CCDC171: variants seen among roughly 807,000 people sequenced by gnomAD.
CCDC171 encodes the protein coiled-coil domain containing 171, also known as coiled-coil domain-containing protein 171.
Under a neutral mutation model 168.2 loss-of-function variants are expected in CCDC171, and 177 were observed. The ratio of observed to expected loss-of-function variants is 1.05; its 90% CI spans 0.93 to 1.19. The LOEUF (loss-of-function observed/expected upper bound fraction) is 1.19, where lower values mean the gene tolerates loss of function less well. Ranked by LOEUF, CCDC171 falls within the 50% of genes most tolerant of loss-of-function variation. The probability of loss-of-function intolerance (pLI) is 0.00; values close to 1 mark genes in which losing one functional copy is unlikely to be tolerated. For synonymous variants in CCDC171, 687 were observed against 540.8 expected (o/e 1.27, Z -3.75); for missense variants, 1,991 against 1,539.0 (o/e 1.29, Z -4.91).
intron 25 of CCDC171, among the ~76,000 whole-genome samples, chr9:15,965,485 G>C (rs2132704408): frequency 6.6e-6 from 1 of 152,338 alleles, no homozygotes; most frequent in East Asian, 1.9e-4. Context: ...TGTGCAACCT[G>C]TGGCAATTTA....
At position 15,930,508 on chromosome 9, in the gene CCDC171, T is replaced by A. The variant is rs549304190; in HGVS notation, c.3753+10086T>A. Reference sequence around the variant, plus strand: ...ATATTTTGGCACCCCTACCTCTGGGTGTTTATGTAGAGGTGGACATACATA... The same window carrying A: ...ATATTTTGGCACCCCTACCTCTGGGAGTTTATGTAGAGGTGGACATACATA... On this transcript the variant is annotated intron_variant, in intron 25 of 25. Coordinates refer to ENST00000380701, the MANE Select transcript of CCDC171 (RefSeq NM_173550.4). 1.8e-3 allele frequency among the ~76,000 whole-genome samples: 271 copies of A among 151,788 alleles called. 2 individuals carry two copies. Among genetic ancestry groups the A allele is most frequent in the African/African-American group, 6.3e-3 (260 of 41,514 alleles).
intron 21 of CCDC171, among the ~76,000 whole-genome samples, chr9:15,830,549 G>C (rs2060188316): frequency 6.6e-6 from 1 of 152,148 alleles, no homozygotes; most frequent in African/African-American, 2.4e-5. Flanking sequence ...AGGAAGTTCA[G>C]ACATTGAGAA....
intron 9 of CCDC171, among the ~76,000 whole-genome samples, chr9:15,675,000 T>C (rs907822408): frequency 2.0e-5 from 3 of 152,074 alleles, no homozygotes; most frequent in Non-Finnish European, 4.4e-5. Context: ...AGTCTAAGTC[T>C]CTTTGTAGGT....
intron 21 of CCDC171, among the ~76,000 whole-genome samples, chr9:15,801,416 T>G (rs190948336): frequency 7.7e-4 from 117 of 152,172 alleles, no homozygotes; most frequent in African/African-American, 2.6e-3. Flanking sequence ...TATTTCAGAT[T>G]GTTTACTTTA....
intron 8 of CCDC171, among the ~76,000 whole-genome samples, chr9:15,657,720 C>T (rs1341738127): frequency 1.3e-5 from 2 of 152,076 alleles, no homozygotes; most frequent in African/African-American, 2.4e-5. Context: ...ATATATCTAT[C>T]TCCAGATATA....
At chr9:15,844,278 G>C (rs1404676076) in intron 21 of CCDC171, among the ~76,000 whole-genome samples, 1 of 151,608 alleles carries the variant, frequency 6.6e-6, no homozygotes, top group Non-Finnish European at 1.5e-5. Flanking sequence ...AATTATATGT[G>C]ATATATGGAT....
intron 7 of CCDC171, among the ~76,000 whole-genome samples, chr9:15,628,078 C>T (rs1422858184): frequency 6.6e-6 from 1 of 152,150 alleles, no homozygotes; most frequent in Non-Finnish European, 1.5e-5. Context: ...CAGCTGCTGT[C>T]TACAGCTCCC....
chr9:15,659,226 A>T (rs1587794136), intron 8 of CCDC171, among the ~76,000 whole-genome samples: 1 of 152,184 alleles, frequency 6.6e-6, no homozygotes, highest in South Asian at 2.1e-4. Context: ...CTCTCAAGCA[A>T]CTGCCGGTAG....
the CCDC171 span, among the ~76,000 whole-genome samples, chr9:16,071,925 C>T: frequency 1.3e-5 from 2 of 152,070 alleles, no homozygotes; most frequent in African/African-American, 2.4e-5. Context: ...TCCCTGTTTC[C>T]CCTCACAGCT....
chr9:15,610,354 C>A (rs2043561744), intron 6 of CCDC171, among the ~76,000 whole-genome samples: 1 of 147,580 alleles, frequency 6.8e-6, no homozygotes, highest in South Asian at 2.1e-4. Context: ...TGCCTGTAAT[C>A]CCAGCACTTT....
In CCDC171 at chr9:15,973,597, C is replaced by G. The variant is rs1294733472; in HGVS notation, c.*1761C>G. 1 of 151,958 alleles carries G rather than the reference C, an allele frequency of 6.6e-6. No homozygotes were observed. Among genetic ancestry groups the G allele is most frequent in the Non-Finnish European group, 1.5e-5 (1 of 67,988 alleles). The allele number at this position is 151,958 out of a possible 1,614,324, so 9.4% of individuals were successfully genotyped here. Reference sequence around the variant, plus strand: ...TAACCAAATTTCTCTTAATTCTTTCCTTGGAATTATTTTTAATATGACCTG... The same window carrying G: ...TAACCAAATTTCTCTTAATTCTTTCGTTGGAATTATTTTTAATATGACCTG... On this transcript the variant is annotated 3_prime_UTR_variant, in exon 26 of 26. Transcript: ENST00000380701.
At position 15,728,236 on chromosome 9, in the gene CCDC171, T is replaced by C. The variant is rs562237384; in HGVS notation, c.1860+200T>C. Among the ~76,000 whole-genome samples, 4 of 152,258 alleles carry C rather than the reference T, an allele frequency of 2.6e-5. No homozygotes were observed. The South Asian group carries it at 6.2e-4, about 24-fold the overall frequency. On this transcript the variant is annotated intron_variant, in intron 15 of 25. Transcript: ENST00000380701. Reference sequence around the variant, plus strand: ...CATGTAAATGTGACTGAAGTCTGTATGAAGTCTCTAAGCTCCACTTTCTGT... The same window carrying C: ...CATGTAAATGTGACTGAAGTCTGTACGAAGTCTCTAAGCTCCACTTTCTGT...
chr9:15,583,395 C>T (rs890695182), intron 4 of CCDC171, among the ~76,000 whole-genome samples: 55 of 132,524 alleles, frequency 4.2e-4, no homozygotes, highest in Admixed American at 4.5e-4. Context: ...CTGGTGACAG[C>T]GAGACTCCAT....
At chr9:15,662,773 C>T (rs1043105238) in intron 8 of CCDC171, among the ~76,000 whole-genome samples, 7 of 151,788 alleles carry the variant, frequency 4.6e-5, no homozygotes, top group African/African-American at 9.7e-5. Context: ...GTCAGGAGTT[C>T]GGGACCAGCC....
rs139108064 is a variant in CCDC171, at chr9:15,562,536, C to T, written c.-111-1442C>T. Among the ~76,000 whole-genome samples, 72 of 152,198 alleles carry T rather than the reference C, an allele frequency of 4.7e-4. 1 individual carries two copies. Among genetic ancestry groups the T allele is most frequent in the African/African-American group, 1.6e-3 (68 of 41,548 alleles). On this transcript the variant is annotated intron_variant, in intron 1 of 25. Transcript: ENST00000380701. Reference sequence around the variant, plus strand: ...AATAATGCACTGAAGTATGATGATTCCCTTTAACTTTATTGAAACAACTTT... The same window carrying T: ...AATAATGCACTGAAGTATGATGATTTCCTTTAACTTTATTGAAACAACTTT...
intron 7 of CCDC171, among the ~76,000 whole-genome samples, chr9:15,639,457 A>G (rs930009500): frequency 6.6e-6 from 1 of 152,010 alleles, no homozygotes; most frequent in Non-Finnish European, 1.5e-5. Context: ...TGCGACCACA[A>G]ATTCTGTTCC....
chr9:16,040,104 G>T (rs1035608961), upstream of CCDC171, among the ~76,000 whole-genome samples: 5 of 152,130 alleles, frequency 3.3e-5, no homozygotes, highest in African/African-American at 1.2e-4. Context: ...GAAGGTGAGG[G>T]CCAGCTGGGT....
At chr9:15,832,407 G>A (rs1323396125) in intron 21 of CCDC171, among the ~76,000 whole-genome samples, 2 of 152,148 alleles carry the variant, frequency 1.3e-5, no homozygotes, top group East Asian at 1.9e-4. Context: ...ATCATATAAT[G>A]TACTTACACA....
intron 18 of CCDC171, among the ~76,000 whole-genome samples, chr9:15,760,232 T>G (rs2056369810): frequency 6.6e-6 from 1 of 152,212 alleles, no homozygotes; most frequent in Admixed American, 6.5e-5. Context: ...AAAACTGTGG[T>G]GCATGTATGC....
Sources: gnomAD v4.1 joint callset for allele counts (sites outside exome capture counted in the v4.1 genomes callset) on GRCh38, gnomAD v4.1.1 for gene constraint, MANE v1.5 for transcripts, NCBI Gene and HGNC (gene_info 2026-07-23, HGNC 2026-07-21) for gene names.